The following FOXN2 variants were observed in gnomAD, a reference collection of about 807,000 sequenced individuals.
FOXN2 encodes the protein forkhead box protein N2.
A neutral mutation model predicts 41.2 loss-of-function variants in FOXN2; 19 were observed. That is an observed-to-expected ratio of 0.46 (90% confidence interval 0.32 to 0.68). FOXN2 has a LOEUF of 0.68. Ranked by LOEUF, FOXN2 falls within the 30% of genes least tolerant of loss-of-function variation. The pLI, the probability that FOXN2 is intolerant of heterozygous loss-of-function variation, is 0.03. For synonymous variants in FOXN2, 195 were observed against 176.8 expected, an observed-to-expected ratio of 1.10 and a Z score of -0.82; for missense variants, 587 against 509.4, an observed-to-expected ratio of 1.15 and a Z score of -1.47.
chr2:48,365,069 C>A (rs972220669), intron 5 of FOXN2, among the ~76,000 whole-genome samples: 2 of 152,066 alleles, frequency 1.3e-5, no homozygotes, highest in Non-Finnish European at 2.9e-5. Flanking sequence ...GTTTTCCTAG[C>A]GTTGCTTTGG....
At chr2:48,337,616 C>G (rs1670453346) in intron 2 of FOXN2, among the ~76,000 whole-genome samples, 1 of 151,860 alleles carries the variant, frequency 6.6e-6, no homozygotes, top group African/African-American at 2.4e-5. Flanking sequence ...TGATCTCATT[C>G]TTTTTCGTGT....
chr2:48,377,763 C>T lies in FOXN2; in HGVS notation c.*2320C>T, dbSNP rs1045231995. ...AAACATAATTTAATGCATCACCTTC[C>T]ACTTGCTAACATACCAAGTCAGTTA... On this transcript the variant is annotated 3_prime_UTR_variant, in exon 7 of 7. Coordinates refer to ENST00000340553, the MANE Select transcript of FOXN2 (RefSeq NM_002158.4). 1 of 152,042 alleles carries T rather than the reference C, an allele frequency of 6.6e-6. No homozygotes were observed. The highest frequency in any genetic ancestry group is 2.4e-5 in the African/African-American group (1 of 41,432). 9.4% of individuals were successfully genotyped at this position (152,042 alleles called of 1,614,324 possible). A position where few individuals can be genotyped will look rare whatever the true frequency, so the allele number is the denominator to read the frequency against.
chr2:48,372,590 G>T (rs1218380717), intron 5 of FOXN2, among the ~76,000 whole-genome samples: 1 of 151,994 alleles, frequency 6.6e-6, no homozygotes, highest in Non-Finnish European at 1.5e-5. Flanking sequence ...AGAACTTACA[G>T]CAGTAAATAT....
At chr2:48,338,648 C>G (rs891053209) in intron 2 of FOXN2, among the ~76,000 whole-genome samples, 2 of 152,152 alleles carry the variant, frequency 1.3e-5, no homozygotes, top group South Asian at 4.1e-4. Context: ...ATCCGCCCGC[C>G]TCTGCCTCCC....
intron 5 of FOXN2, among the ~76,000 whole-genome samples, chr2:48,364,537 A>G (rs913235116): frequency 6.6e-6 from 1 of 152,220 alleles, no homozygotes; most frequent in Non-Finnish European, 1.5e-5. Flanking sequence ...CACACTGTGT[A>G]TACAGTTTTA....
At chr2:48,362,453 C>G (rs1672251414) in intron 4 of FOXN2, among the ~76,000 whole-genome samples, 190 bp from the exon 5 acceptor site, 1 of 152,014 alleles carries the variant, frequency 6.6e-6, no homozygotes, top group African/African-American at 2.4e-5. Context: ...CTTGTGGTCC[C>G]AGCCACTCAG....
intron 4 of FOXN2, among the ~76,000 whole-genome samples, chr2:48,362,350 G>C (rs2104473146): frequency 6.6e-6 from 1 of 152,304 alleles, no homozygotes; most frequent in South Asian, 2.1e-4. Flanking sequence ...TAGACTGCTT[G>C]AGCCCAGGAG....
At chr2:48,327,991 G>T (rs1378282696) in intron 1 of FOXN2, among the ~76,000 whole-genome samples, 1 of 151,982 alleles carries the variant, frequency 6.6e-6, no homozygotes, top group Non-Finnish European at 1.5e-5. Context: ...ATCATTGTCT[G>T]CATTTATTAG....
intron 3 of FOXN2, among the ~76,000 whole-genome samples, chr2:48,348,438 A>T (rs534120744): frequency 6.6e-6 from 1 of 152,152 alleles, no homozygotes; most frequent in Non-Finnish European, 1.5e-5. Flanking sequence ...TATTAATTAT[A>T]GTTATTATAT....
chr2:48,367,885 A>C (rs1672631176), intron 5 of FOXN2, among the ~76,000 whole-genome samples: 1 of 152,190 alleles, frequency 6.6e-6, no homozygotes, highest in Non-Finnish European at 1.5e-5. Context: ...TCTGTCAACC[A>C]GGCTGGAAGT....
In FOXN2 at chr2:48,317,595, C is replaced by CTTTTTTTTTTTTTTTTTTTTT. The variant is rs574980247; in HGVS notation, c.-157+2791_-157+2811dup. Among the ~76,000 whole-genome samples the CTTTTTTTTTTTTTTTTTTTTT allele has an allele frequency of 1.2e-4, 4 of 34,712 alleles. 1 individual carries two copies. Among genetic ancestry groups the CTTTTTTTTTTTTTTTTTTTTT allele is most frequent in the Non-Finnish European group, 1.7e-4 (3 of 17,470 alleles). 22.8% of individuals were successfully genotyped at this position (34,712 alleles called of 152,430 possible). On this transcript the variant is annotated intron_variant, in intron 1 of 6. Transcript: ENST00000340553. ...ACAATGCCTATAGCCTATAGTATTG[C>CTTTTTTTTTTTTTTTTTTTTT]TTTTTTTTTTTTTTTTTTTTTTTTT...
chr2:48,328,955 T>G (rs891934683), intron 2 of FOXN2, among the ~76,000 whole-genome samples: 7 of 151,326 alleles, frequency 4.6e-5, no homozygotes, highest in Non-Finnish European at 1.0e-4. Flanking sequence ...TAGTCACCAG[T>G]TTTTTTTTAA....
At chr2:48,368,245 A>C (rs1672654690) in intron 5 of FOXN2, among the ~76,000 whole-genome samples, 1 of 147,058 alleles carries the variant, frequency 6.8e-6, no homozygotes, top group Non-Finnish European at 1.5e-5. Context: ...ATGTTAGATA[A>C]TACAGCTAAT....
intron 3 of FOXN2, among the ~76,000 whole-genome samples, chr2:48,353,190 C>T (rs951578722): frequency 1.3e-5 from 2 of 152,116 alleles, no homozygotes; most frequent in Non-Finnish European, 2.9e-5. Context: ...GTTTTCAAGA[C>T]CCTCCCCAGT....
chr2:48,375,067 G>A lies in FOXN2; in HGVS notation c.920G>A (p.Ser307Asn). 6.2e-7 allele frequency: 1 copy of A among 1,614,074 alleles called. No homozygotes were observed. The highest frequency in any genetic ancestry group is 8.5e-7 in the Non-Finnish European group (1 of 1,179,990). The change falls in exon 7 of 7, where the codon AGT becomes AAT. Residue 307 changes from serine (S) to asparagine (N), a missense_variant. Ser to Asn is a conservative substitution (Grantham distance 46). Coordinates refer to ENST00000340553, the MANE Select transcript of FOXN2 (RefSeq NM_002158.4). ...AAAGAAGATCACAATTACAGTGCAA[G>A]TAGCATGGCAGCACAGCGTTGTGCA... ...DPKEDHNYSA[S>N]SMAAQRCASR...
At chr2:48,366,186 A>G (rs1572771776) in intron 5 of FOXN2, among the ~76,000 whole-genome samples, 1 of 152,094 alleles carries the variant, frequency 6.6e-6, no homozygotes, top group African/African-American at 2.4e-5. Context: ...GTGAAACCCC[A>G]TCTCTACTAA....
chr2:48,344,556 C>T (rs1670973236), intron 2 of FOXN2, among the ~76,000 whole-genome samples: 1 of 152,130 alleles, frequency 6.6e-6, no homozygotes, highest in Non-Finnish European at 1.5e-5. Context: ...ATAGTGCCTA[C>T]CTTATAGGGT....
At position 48,332,332 on chromosome 2, in the gene FOXN2, A is replaced by G. The variant is rs897045075; in HGVS notation, c.-15+3630A>G. Among the ~76,000 whole-genome samples, 7 of 152,356 alleles carry G rather than the reference A, an allele frequency of 4.6e-5. No individual in the cohort carries two copies. In the South Asian group the frequency reaches 6.2e-4, roughly 14 times the overall value. On this transcript the variant is annotated intron_variant, in intron 2 of 6. Transcript: ENST00000340553. ...CTTGGCCATTAATAACAAAATATTA[A>G]AAGTTTATAATAAAGTACTTTTGGA...
intron 1 of FOXN2, among the ~76,000 whole-genome samples, chr2:48,328,024 A>G (rs1043582507): frequency 6.6e-6 from 1 of 152,204 alleles, no homozygotes; most frequent in African/African-American, 2.4e-5. Flanking sequence ...TCATGAATAT[A>G]CTTTTAAAAG....
Sources: gnomAD v4.1 joint callset for allele counts (sites outside exome capture counted in the v4.1 genomes callset) on GRCh38, gnomAD v4.1.1 for gene constraint, MANE v1.5 for transcripts, NCBI Gene and HGNC (gene_info 2026-07-23, HGNC 2026-07-21) for gene names.